Variants in TRIM71 observed in about 807,000 individuals in gnomAD.
The protein encoded by TRIM71 is tripartite motif containing 71, also known as E3 ubiquitin-protein ligase TRIM71.
TRIM71 carries 9 observed loss-of-function variants against 61.2 expected under a neutral mutation model. That is an observed-to-expected ratio of 0.15 (90% CI 0.09 to 0.26). TRIM71 has a LOEUF of 0.26. Among genes scored for constraint, TRIM71 ranks in the 10% least tolerant of loss-of-function variants. The pLI is 1.00. For synonymous variants in TRIM71, 645 were observed against 553.2 expected (o/e 1.17, Z -2.33); for missense variants, 998 against 1,238.7 (o/e 0.81, Z 2.92).
chr3:32,821,312 G>T (rs1006226432), intron 1 of TRIM71, among the ~76,000 whole-genome samples: 2 of 152,128 alleles, frequency 1.3e-5, no homozygotes, highest in African/African-American at 4.8e-5. Context: ...CTCCTTAACT[G>T]AGTTGCTTCC....
intron 3 of TRIM71, among the ~76,000 whole-genome samples, chr3:32,889,413 G>A (rs1696997688): frequency 1.3e-5 from 2 of 152,104 alleles, no homozygotes; most frequent in South Asian, 2.1e-4. Context: ...GAGTAGCTGG[G>A]ATTACAGGTG....
Position 32,894,083 on chromosome 3 carries a change from T to C in TRIM71, c.*2272T>C, listed in dbSNP as rs1697054843. 1 of 152,214 alleles carries C rather than the reference T, an allele frequency of 6.6e-6. No individual in the cohort carries two copies. The highest frequency in any genetic ancestry group is 1.5e-5 in the Non-Finnish European group (1 of 68,032). The allele number at this position is 152,214 out of a possible 1,614,324, so 9.4% of individuals were successfully genotyped here. ...GGCCGTTAAGCTCTAAGTTCTTTGG[T>C]AAAGAGTTAATATAATTAAACATTT... On this transcript the variant is annotated 3_prime_UTR_variant, in exon 4 of 4. Coordinates refer to ENST00000383763, the MANE Select transcript of TRIM71 (RefSeq NM_001039111.3).
At chr3:32,842,920 T>G (rs964262483) in intron 1 of TRIM71, among the ~76,000 whole-genome samples, 2 of 152,102 alleles carry the variant, frequency 1.3e-5, no homozygotes, top group African/African-American at 4.8e-5. Flanking sequence ...TGGTCATAAA[T>G]GACCCTCTCT....
At chr3:32,851,690 G>T (rs2125682204) in intron 1 of TRIM71, among the ~76,000 whole-genome samples, 1 of 152,196 alleles carries the variant, frequency 6.6e-6, no homozygotes. Flanking sequence ...TGTTGGCCAG[G>T]CTGGTCTCTA....
At chr3:32,874,258 C>T (rs897220699) in intron 2 of TRIM71, among the ~76,000 whole-genome samples, 1 of 152,042 alleles carries the variant, frequency 6.6e-6, no homozygotes, top group South Asian at 2.1e-4. Context: ...AGCCACCTCC[C>T]GAAATCAAAG....
rs753628033 is a variant in TRIM71, at chr3:32,891,245, A to T, written c.2041A>T (p.Thr681Ser). 3 of 1,613,332 alleles carry T rather than the reference A, an allele frequency of 1.9e-6. No homozygotes were observed. The change falls in exon 4 of 4, where the codon ACG becomes TCG. Residue 681 changes from threonine (T) to serine (S), a missense_variant. By Grantham distance (58) the Thr-to-Ser change is moderately conservative. Transcript: ENST00000383763. The surrounding 1 kb of genome is among the most constrained non-coding windows in gnomAD (Gnocchi z 8.2). ...DKDNHRIQIF[T>S]FEGQFLLKFG... ...GGACAATCATCGCATCCAGATCTTCACGTTCGAGGGCCAGTTCCTCCTCAA... is the reference window on the plus strand; with the variant it reads ...GGACAATCATCGCATCCAGATCTTCTCGTTCGAGGGCCAGTTCCTCCTCAA...
chr3:32,829,188 T>C (rs569385123), intron 1 of TRIM71, among the ~76,000 whole-genome samples: 93 of 147,026 alleles, frequency 6.3e-4, no homozygotes, highest in African/African-American at 2.2e-3. Context: ...TTCTTTTCTT[T>C]TTTTTTTTTT....
chr3:32,820,671 A>G (rs981441575), intron 1 of TRIM71, among the ~76,000 whole-genome samples: 1 of 152,224 alleles, frequency 6.6e-6, no homozygotes, highest in Admixed American at 6.5e-5. Flanking sequence ...ATACACCTAT[A>G]TTTTATTTGG....
chr3:32,837,953 A>G lies in TRIM71; in HGVS notation c.852+19021A>G, dbSNP rs1024393340. ...CAGGGCACATTGTTTTCCTCTGAGC[A>G]GATGCCTGCTGGGAGGCAAATTCCT... On this transcript the variant is annotated intron_variant, in intron 1 of 3. Transcript: ENST00000383763. Among the ~76,000 whole-genome samples the G allele has an allele frequency of 4.6e-5, 7 of 152,240 alleles. No individual in the cohort carries two copies. In the South Asian group the frequency reaches 1.4e-3, roughly 32 times the overall value.
chr3:32,840,973 G>A (rs372624386), intron 1 of TRIM71, among the ~76,000 whole-genome samples: 4 of 152,208 alleles, frequency 2.6e-5, no homozygotes, highest in African/African-American at 9.6e-5. Flanking sequence ...CTGGCTGGGC[G>A]CAGTGGCTCA....
chr3:32,830,952 A>G (rs1234616157), intron 1 of TRIM71, among the ~76,000 whole-genome samples: 2 of 152,140 alleles, frequency 1.3e-5, no homozygotes, highest in Non-Finnish European at 2.9e-5. Context: ...CTGGGATTAC[A>G]GGCGCCCGCC....
chr3:32,831,441 A>C (rs1696269761), intron 1 of TRIM71, among the ~76,000 whole-genome samples: 1 of 152,154 alleles, frequency 6.6e-6, no homozygotes, highest in African/African-American at 2.4e-5. Context: ...CATAACTGTA[A>C]ATAATCATGA....
intron 3 of TRIM71, among the ~76,000 whole-genome samples, chr3:32,887,688 T>C (rs1696976459): frequency 6.6e-6 from 1 of 152,130 alleles, no homozygotes; most frequent in Non-Finnish European, 1.5e-5. Flanking sequence ...CCAGTGGACT[T>C]GGCTACCTCA....
chr3:32,868,156 C>G (rs1044055255), intron 1 of TRIM71, among the ~76,000 whole-genome samples: 5 of 152,058 alleles, frequency 3.3e-5, no homozygotes, highest in Non-Finnish European at 5.9e-5. Context: ...AACTCCAATT[C>G]CAACTGTGAA....
intron 1 of TRIM71, among the ~76,000 whole-genome samples, chr3:32,856,741 G>T (rs1696609469): frequency 6.6e-6 from 1 of 152,182 alleles, no homozygotes; most frequent in African/African-American, 2.4e-5. Context: ...GGAGAACCCG[G>T]GGCAGGAGTG....
Position 32,890,282 on chromosome 3 carries a change from T to C in TRIM71, c.1156-78T>C. Reference sequence around the variant, plus strand: ...TGTTTGTCTGATGCTTCCTTGTGATTAGTTGTGGCTTATGTGGTATTTTCT... The same window carrying C: ...TGTTTGTCTGATGCTTCCTTGTGATCAGTTGTGGCTTATGTGGTATTTTCT... On this transcript the variant is annotated intron_variant, in intron 3 of 3. Coordinates refer to ENST00000383763, the MANE Select transcript of TRIM71 (RefSeq NM_001039111.3). This position sits in a 1 kb window ranked among gnomAD's most constrained non-coding sequence, Gnocchi z 6.2. The C allele has an allele frequency of 1.3e-6, 2 of 1,505,906 alleles. No individual in the cohort carries two copies. The highest frequency in any genetic ancestry group is 1.8e-6 in the Non-Finnish European group (2 of 1,116,952). 93.3% of individuals were successfully genotyped at this position (1,505,906 alleles called of 1,614,324 possible). A position where few individuals can be genotyped will look rare whatever the true frequency, so the allele number is the denominator to read the frequency against.
intron 1 of TRIM71, among the ~76,000 whole-genome samples, chr3:32,827,366 C>T (rs1045097225): frequency 6.7e-6 from 1 of 149,800 alleles, no homozygotes; most frequent in Admixed American, 6.8e-5. Context: ...TGGGTTCAAG[C>T]GATTCTCCTG....
intron 1 of TRIM71, among the ~76,000 whole-genome samples, chr3:32,873,412 C>T (rs1696819558): frequency 1.3e-5 from 2 of 152,160 alleles, no homozygotes; most frequent in Admixed American, 6.5e-5. Context: ...TTCTTACATC[C>T]AGGCCACTAA....
rs1696085720 is a variant in TRIM71 at position 32,818,517 on chromosome 3, A to C, written c.437A>C (p.His146Pro). 1.4e-6 allele frequency: 2 copies of C among 1,412,992 alleles called. No individual in the cohort carries two copies. Among genetic ancestry groups the C allele is most frequent in the Non-Finnish European group, 1.8e-6 (2 of 1,087,044 alleles). The allele number at this position is 1,412,992 out of a possible 1,614,324, so 87.5% of individuals were successfully genotyped here. ...RAGAPAGAGG[H>P]SNHRHHAHHA... ...GGCGCTCCGGCGGGAGCGGGCGGCCACAGCAACCACCGGCACCACGCTCAC... is the reference window on the plus strand; with the variant it reads ...GGCGCTCCGGCGGGAGCGGGCGGCCCCAGCAACCACCGGCACCACGCTCAC... The change falls in exon 1 of 4, where the codon CAC (histidine) becomes CCC (proline). Residue 146 changes from histidine to proline, a missense_variant. By Grantham distance (77) the His-to-Pro change is moderately conservative. Coordinates refer to ENST00000383763, the MANE Select transcript of TRIM71 (RefSeq NM_001039111.3).
Sources: gnomAD v4.1 joint callset for allele counts (sites outside exome capture counted in the v4.1 genomes callset) on GRCh38, gnomAD v4.1.1 for gene constraint, Gnocchi (gnomAD v3.1) non-coding constraint, MANE v1.5 for transcripts, NCBI Gene and HGNC (gene_info 2026-07-23, HGNC 2026-07-21) for gene names.